The following APBB1IP variants were observed in gnomAD, a reference collection of about 807,000 sequenced individuals.
APBB1IP encodes amyloid beta A4 precursor protein-binding family B member 1-interacting protein.
APBB1IP carries 27 observed loss-of-function variants against 64.9 expected under a neutral mutation model. That is an observed-to-expected ratio of 0.42 (90% CI 0.31 to 0.57). APBB1IP has a LOEUF of 0.57. Ranked by LOEUF, APBB1IP falls within the 20% of genes least tolerant of loss-of-function variation. The probability of loss-of-function intolerance (pLI) is 0.20; values close to 1 mark genes in which losing one functional copy is unlikely to be tolerated. For synonymous variants in APBB1IP, 392 were observed against 331.0 expected (o/e 1.18, Z -2.00); for missense variants, 812 against 845.5 (o/e 0.96, Z 0.49).
chr10:26,488,358 C>T (rs1309200911), intron 2 of APBB1IP, among the ~76,000 whole-genome samples: 1 of 152,046 alleles, frequency 6.6e-6, no homozygotes, highest in East Asian at 1.9e-4. Context: ...GTCTCAGCCT[C>T]CCAAGTATGT....
intron 10 of APBB1IP, among the ~76,000 whole-genome samples, chr10:26,540,042 C>G (rs1031796892): frequency 2.6e-5 from 4 of 152,164 alleles, no homozygotes; most frequent in African/African-American, 7.2e-5. Context: ...GTACATGTAA[C>G]AGGGAGTAAA....
At chr10:26,467,810 A>T (rs1835666220) in intron 2 of APBB1IP, among the ~76,000 whole-genome samples, 1 of 152,248 alleles carries the variant, frequency 6.6e-6, no homozygotes. Flanking sequence ...GAAAATGTAG[A>T]ACCAAACCCA....
intron 7 of APBB1IP, 34 bp from the exon 8 acceptor site, chr10:26,513,505 G>C: frequency 6.2e-7 from 1 of 1,608,074 alleles, no homozygotes. Flanking sequence ...CTGATGTCTT[G>C]GGTCTGAAAG....
rs185394968 is a variant in APBB1IP at position 26,491,913 on chromosome 10, C to G, written c.1-414C>G. On this transcript the variant is annotated intron_variant, in intron 2 of 14. Transcript: ENST00000376236. Reference sequence around the variant, plus strand: ...AGTAGCTGGGACTACAGGCACGTGCCACCACACCCAGGTAATTTTTGTATT... The same window carrying G: ...AGTAGCTGGGACTACAGGCACGTGCGACCACACCCAGGTAATTTTTGTATT... Among the ~76,000 whole-genome samples, 749 of 152,140 alleles carry G rather than the reference C, an allele frequency of 4.9e-3. 7 individuals are homozygous for G. The highest frequency in any genetic ancestry group is 0.017 in the African/African-American group (714 of 41,516).
intron 2 of APBB1IP, among the ~76,000 whole-genome samples, chr10:26,453,494 A>G (rs1835487524): frequency 6.6e-6 from 1 of 152,094 alleles, no homozygotes; most frequent in South Asian, 2.1e-4. Context: ...GACTAGAAGC[A>G]CTGGCCTTCC....
intron 8 of APBB1IP, among the ~76,000 whole-genome samples, chr10:26,530,108 T>C (rs1836529886): frequency 6.6e-6 from 1 of 152,240 alleles, no homozygotes; most frequent in Non-Finnish European, 1.5e-5. Flanking sequence ...TGGAAAAATA[T>C]ATGTAACATA....
At chr10:26,481,417 A>G (rs912129401) in intron 2 of APBB1IP, among the ~76,000 whole-genome samples, 1 of 152,134 alleles carries the variant, frequency 6.6e-6, no homozygotes, top group Non-Finnish European at 1.5e-5. Context: ...TTTGCATAAA[A>G]TCACAGCAAT....
Position 26,469,258 on chromosome 10 carries a change from C to CTTTTTTT in APBB1IP, c.1-23056_1-23050dup, listed in dbSNP as rs386361721. On this transcript the variant is annotated intron_variant, in intron 2 of 14. Transcript: ENST00000376236. Reference sequence around the variant, plus strand: ...GTGTTTTCTTTCCTTCTTTTCTTTTCTTTTTTTTTTTTTTTTTTTGAGACA... The same window carrying CTTTTTTT: ...GTGTTTTCTTTCCTTCTTTTCTTTTCTTTTTTTTTTTTTTTTTTTTTTTTTTGAGACA... 5.6e-4 allele frequency among the ~76,000 whole-genome samples: 63 copies of CTTTTTTT among 112,928 alleles called. 2 individuals carry two copies. The highest frequency in any genetic ancestry group is 2.1e-3 in the African/African-American group (58 of 28,132). The allele number at this position is 112,928 out of a possible 152,430, so 74.1% of individuals were successfully genotyped here.
intron 8 of APBB1IP, among the ~76,000 whole-genome samples, chr10:26,518,996 T>G (rs868347613): frequency 1.3e-5 from 2 of 152,198 alleles, no homozygotes; most frequent in Non-Finnish European, 2.9e-5. Flanking sequence ...AAGAAATACC[T>G]GAGACTAGGT....
intron 4 of APBB1IP, among the ~76,000 whole-genome samples, chr10:26,496,790 T>G (rs1194637972): frequency 6.6e-6 from 1 of 150,854 alleles, no homozygotes; most frequent in African/African-American, 2.4e-5. Context: ...TCATAATATT[T>G]TATTTAAAAT....
At chr10:26,558,052 C>T (rs1836915776) in intron 11 of APBB1IP, among the ~76,000 whole-genome samples, 1 of 151,602 alleles carries the variant, frequency 6.6e-6, no homozygotes, top group African/African-American at 2.4e-5. Context: ...GCACCACCAG[C>T]AAATGAGGAT....
In APBB1IP at chr10:26,529,200, C is replaced by T. The variant is rs531704819; in HGVS notation, c.814-4239C>T. On this transcript the variant is annotated intron_variant, in intron 8 of 14. Transcript: ENST00000376236. ...CTCAGGTTTACCCAGTTTCCATTTG[C>T]AGGATATAATGACTAAACGTTGAGT... 3.3e-5 allele frequency among the ~76,000 whole-genome samples: 5 copies of T among 152,316 alleles called. No individual in the cohort carries two copies. The South Asian group carries it at 1.0e-3, about 32-fold the overall frequency.
Position 26,541,586 on chromosome 10 carries a change from C to T in APBB1IP, c.1049C>T (p.Ser350Phe). ...YYVPKGKTKTSRDLACFIQFE... is the reference protein window; with the variant it reads ...YYVPKGKTKTFRDLACFIQFE... ...ATTTTTTTCCCTGTCTTTCAGACAT[C>T]TCGAGATCTGGCGTGTTTTATACAG... Residue 350 changes from serine (S) to phenylalanine (F), a missense_variant, in exon 11 of 15, where the codon TCT (serine) becomes TTT (phenylalanine). Physicochemically the swap from Ser to Phe is radical, Grantham distance 155. This residue lies in a region of APBB1IP where 394 missense variants were observed against 413.1 expected (regional missense o/e 0.95). Transcript: ENST00000376236. 6.2e-7 allele frequency: 1 copy of T among 1,606,872 alleles called. No individual in the cohort carries two copies. The highest frequency in any genetic ancestry group is 1.7e-4 in the Middle Eastern group (1 of 6,040).
intron 7 of APBB1IP, 23 bp from the exon 8 acceptor site, chr10:26,513,516 A>G: frequency 6.2e-7 from 1 of 1,611,338 alleles, no homozygotes; most frequent in Non-Finnish European, 8.5e-7. Flanking sequence ...GGTCTGAAAG[A>G]ATACCTTTTC....
intron 7 of APBB1IP, among the ~76,000 whole-genome samples, 172 bp from the exon 8 acceptor site, chr10:26,513,367 A>G (rs1302222665): frequency 6.6e-6 from 1 of 152,230 alleles, no homozygotes; most frequent in Non-Finnish European, 1.5e-5. Context: ...CTTGAAGACA[A>G]TGAAAGAGAA....
At chr10:26,553,127 T>G (rs1261198603) in intron 11 of APBB1IP, among the ~76,000 whole-genome samples, 2 of 152,032 alleles carry the variant, frequency 1.3e-5, no homozygotes, top group Admixed American at 6.5e-5. Context: ...GTTCAAGCAA[T>G]TCTCCTGCCT....
chr10:26,471,991 C>T (rs1219487262), intron 2 of APBB1IP, among the ~76,000 whole-genome samples: 1 of 152,000 alleles, frequency 6.6e-6, no homozygotes, highest in African/African-American at 2.4e-5. Flanking sequence ...CCTGTTTGAG[C>T]TTATTCATGC....
At chr10:26,518,781 A>T (rs929054828) in intron 8 of APBB1IP, among the ~76,000 whole-genome samples, 6 of 152,224 alleles carry the variant, frequency 3.9e-5, no homozygotes, top group Admixed American at 3.9e-4. Context: ...CTAAGCATCA[A>T]CAAATGCCCT....
At chr10:26,475,311 C>T (rs193130226) in intron 2 of APBB1IP, among the ~76,000 whole-genome samples, 1 of 152,018 alleles carries the variant, frequency 6.6e-6, no homozygotes, top group African/African-American at 2.4e-5. Context: ...TTAGTAGAGA[C>T]GGGGTTTTGC....
Sources: allele counts gnomAD v4.1 joint callset (sites outside exome capture counted in the v4.1 genomes callset), GRCh38; gene constraint gnomAD v4.1.1; regional missense constraint gnomAD v4.1.1; transcripts MANE v1.5; gene names NCBI Gene and HGNC (gene_info 2026-07-23, HGNC 2026-07-21).